The following NEGR1 variants were observed in gnomAD, a reference collection of about 807,000 sequenced individuals.
NEGR1 encodes neuronal growth regulator 1, also known as IgLON family member 4.
NEGR1 carries 10 observed loss-of-function variants against 40.9 expected under a neutral mutation model. That is an observed-to-expected ratio of 0.24 (90% CI 0.15 to 0.42). The LOEUF is 0.42. NEGR1 is among the 10% of genes least tolerant of loss of function. NEGR1 has a pLI of 1.00. For synonymous variants in NEGR1, 185 were observed against 166.8 expected (o/e 1.11, Z -0.84); for missense variants, 352 against 438.9 (o/e 0.80, Z 1.77).
chr1:72,188,103 C>G (rs775799684), intron 1 of NEGR1, among the ~76,000 whole-genome samples: 5 of 151,392 alleles, frequency 3.3e-5, no homozygotes, highest in East Asian at 1.9e-4. Flanking sequence ...ATGCTGATCT[C>G]TTTACTCTCA....
At chr1:71,819,511 A>G (rs933967164) in intron 2 of NEGR1, among the ~76,000 whole-genome samples, 2 of 152,014 alleles carry the variant, frequency 1.3e-5, no homozygotes, top group African/African-American at 4.8e-5. Context: ...TTGGAAATTA[A>G]GCAAGTATTT....
At chr1:72,131,908 C>T (rs996454695) in intron 1 of NEGR1, among the ~76,000 whole-genome samples, 2 of 152,006 alleles carry the variant, frequency 1.3e-5, no homozygotes, top group Admixed American at 1.3e-4. Flanking sequence ...ACCAGCCTGG[C>T]CAACATGGTG....
chr1:72,020,312 G>A (rs2100418864), intron 1 of NEGR1, among the ~76,000 whole-genome samples: 1 of 152,244 alleles, frequency 6.6e-6, no homozygotes, highest in South Asian at 2.1e-4. Flanking sequence ...AGCCAATCTT[G>A]AAGGCAACAG....
intron 1 of NEGR1, among the ~76,000 whole-genome samples, chr1:72,135,143 G>A (rs551630147): frequency 4.0e-5 from 6 of 150,586 alleles, no homozygotes; most frequent in East Asian, 2.0e-4. Context: ...TTGGGAGGCC[G>A]AGATGGGAGG....
intron 4 of NEGR1, among the ~76,000 whole-genome samples, chr1:71,656,753 C>T (rs962021623): frequency 4.6e-5 from 7 of 152,188 alleles, no homozygotes; most frequent in African/African-American, 1.7e-4. Context: ...ATAGACCTGA[C>T]ACAAGGGGAA....
At chr1:71,748,726 T>A (rs2101684805) in intron 3 of NEGR1, among the ~76,000 whole-genome samples, 1 of 152,264 alleles carries the variant, frequency 6.6e-6, no homozygotes, top group Admixed American at 6.5e-5. Flanking sequence ...TATTCGGTGC[T>A]CACATGATGA....
At chr1:72,137,079 TAA>T (rs1650496216) in intron 1 of NEGR1, among the ~76,000 whole-genome samples, 1 of 152,032 alleles carries the variant, frequency 6.6e-6, no homozygotes, top group Admixed American at 6.5e-5. Context: ...TGGCGATCAT[TAA>T]AAAGTCAGGA....
intron 2 of NEGR1, among the ~76,000 whole-genome samples, chr1:71,894,523 A>T (rs1367397929): frequency 6.6e-6 from 1 of 152,190 alleles, no homozygotes; most frequent in African/African-American, 2.4e-5. Context: ...TACATGTGTT[A>T]TTTTCCCCAT....
chr1:71,932,447 G>A (rs1645864374), intron 2 of NEGR1, among the ~76,000 whole-genome samples: 1 of 151,974 alleles, frequency 6.6e-6, no homozygotes, highest in African/African-American at 2.4e-5. Flanking sequence ...AGATTAGAAT[G>A]CGGGTTTTCC....
intron 6 of NEGR1, among the ~76,000 whole-genome samples, chr1:71,544,926 C>G (rs1029288893): frequency 6.6e-6 from 1 of 151,688 alleles, no homozygotes; most frequent in African/African-American, 2.4e-5. Context: ...CAGGCTCTTT[C>G]CTCCCCTAAA....
chr1:72,112,831 TC>T (rs1419210511), intron 1 of NEGR1, among the ~76,000 whole-genome samples: 1 of 151,572 alleles, frequency 6.6e-6, no homozygotes, highest in East Asian at 2.0e-4. Context: ...CTCTGGGCGC[TC>T]CCCTGACATG....
intron 3 of NEGR1, among the ~76,000 whole-genome samples, chr1:71,732,123 C>T (rs748278889): frequency 1.3e-5 from 2 of 152,066 alleles, no homozygotes; most frequent in African/African-American, 4.8e-5. Flanking sequence ...GCCTGGGCAA[C>T]ATGGTGAAAC....
chr1:71,486,948 G>A (rs1441398780), intron 6 of NEGR1: 1 of 151,392 alleles, frequency 6.6e-6, no homozygotes, highest in East Asian at 1.9e-4. Context: ...CACTGATCAA[G>A]CAGAGAACTG....
chr1:71,864,369 A>G (rs1660050541), intron 2 of NEGR1, among the ~76,000 whole-genome samples: 1 of 152,168 alleles, frequency 6.6e-6, no homozygotes, highest in Admixed American at 6.5e-5. Flanking sequence ...ATGGTCTAGC[A>G]GTGGCTAGAG....
intron 1 of NEGR1, among the ~76,000 whole-genome samples, chr1:72,012,966 G>GA (rs544491870): frequency 1.8e-3 from 253 of 141,714 alleles, no homozygotes; most frequent in African/African-American, 5.6e-3. Flanking sequence ...AAACCAACTG[G>GA]AAAAAAAAAC....
At chr1:71,686,162 C>G (rs564296956) in intron 4 of NEGR1, among the ~76,000 whole-genome samples, 2 of 152,156 alleles carry the variant, frequency 1.3e-5, no homozygotes, top group South Asian at 4.1e-4. Flanking sequence ...TCATTGCTTT[C>G]AGGCAAAAAT....
intron 1 of NEGR1, among the ~76,000 whole-genome samples, chr1:72,256,409 C>G (rs12239998): frequency 6.6e-6 from 1 of 152,146 alleles, no homozygotes; most frequent in Non-Finnish European, 1.5e-5. Context: ...TTTTCCTCTA[C>G]CCAACTCTCA....
intron 4 of NEGR1, among the ~76,000 whole-genome samples, chr1:71,678,961 T>C (rs1652736600): frequency 6.6e-6 from 1 of 152,120 alleles, no homozygotes; most frequent in Non-Finnish European, 1.5e-5. Context: ...TCCTGAAGAA[T>C]GGAAAACCAC....
chr1:72,048,824 CA>C (rs914571448), intron 1 of NEGR1, among the ~76,000 whole-genome samples: 1 of 150,944 alleles, frequency 6.6e-6, no homozygotes, highest in Non-Finnish European at 1.5e-5. Context: ...ATTAACTGGA[CA>C]TTTTTTTTTG....
Sources: allele counts gnomAD v4.1 joint callset (sites outside exome capture counted in the v4.1 genomes callset), GRCh38; gene constraint gnomAD v4.1.1; transcripts MANE v1.5; gene names NCBI Gene and HGNC (gene_info 2026-07-23, HGNC 2026-07-21).